UBAP2: variants seen among roughly 807,000 people sequenced by gnomAD.
UBAP2 encodes the protein ubiquitin-associated protein 2.
UBAP2 carries 75 observed loss-of-function variants against 139.6 expected under a neutral mutation model. That is an observed-to-expected ratio of 0.54 (90% CI 0.45 to 0.65). UBAP2 has a LOEUF of 0.65. UBAP2 is among the 30% of genes least tolerant of loss of function. The pLI, the probability that UBAP2 is intolerant of heterozygous loss-of-function variation, is 0.00. For missense variants in UBAP2, 1,368 were observed against 1,369.6 expected, an observed-to-expected ratio of 1.00 and a Z score of 0.02; for synonymous variants, 526 against 526.2, an observed-to-expected ratio of 1.00 and a Z score of 0.01.
At position 33,924,195 on chromosome 9, in the gene UBAP2, A is replaced by C; in HGVS notation, c.2590+11T>G. ...GCCCCGGGCTACTCCTCATCCATTG[A>C]GCAAACTCACCTGGATATGGATTAT... On this transcript the variant is annotated intron_variant, in intron 23 of 28. Coordinates refer to ENST00000379238, the MANE Select transcript of UBAP2 (RefSeq NM_001370062.2). The C allele has an allele frequency of 6.2e-7, 1 of 1,614,034 alleles. No individual in the cohort carries two copies. The highest frequency in any genetic ancestry group is 1.1e-5 in the South Asian group (1 of 91,086).
chr9:33,952,427 G>A (rs561590462), intron 12 of UBAP2, among the ~76,000 whole-genome samples: 2 of 152,148 alleles, frequency 1.3e-5, no homozygotes, highest in African/African-American at 4.8e-5. Context: ...AGTACTAAAT[G>A]ACACTGTTTC....
chr9:34,021,806 G>C (rs2131298130), intron 1 of UBAP2, among the ~76,000 whole-genome samples: 1 of 152,062 alleles, frequency 6.6e-6, no homozygotes, highest in Middle Eastern at 3.4e-3. Flanking sequence ...ACTAATTTTT[G>C]TATTTTTAGT....
intron 2 of UBAP2, among the ~76,000 whole-genome samples, chr9:34,010,624 G>C (rs1237490552): frequency 6.6e-6 from 1 of 152,006 alleles, no homozygotes; most frequent in Non-Finnish European, 1.5e-5. Context: ...TATGGATATT[G>C]ACTGTACAAC....
chr9:34,026,204 A>C (rs1298836068), intron 1 of UBAP2, among the ~76,000 whole-genome samples: 1 of 152,238 alleles, frequency 6.6e-6, no homozygotes, highest in Admixed American at 6.5e-5. Flanking sequence ...TAAAAGTTTG[A>C]ACAGTTAATT....
rs1445620508 is a variant in UBAP2, at chr9:33,923,479, C to CT, written c.2797-2dup. The CT allele has an allele frequency of 1.2e-6, 2 of 1,613,942 alleles. No individual in the cohort carries two copies. The highest frequency in any genetic ancestry group is 1.3e-5 in the African/African-American group (1 of 74,990). On this transcript the variant is annotated splice_acceptor_variant, in intron 24 of 28. Coordinates refer to ENST00000379238, the MANE Select transcript of UBAP2 (RefSeq NM_001370062.2). LOFTEE classifies it high-confidence loss of function. ...GTTGCTTGGCTGAGGCTGGAGGGACCTGGGGGGGCAAGCAGATGAGGTATT... is the reference window on the plus strand; with the variant it reads ...GTTGCTTGGCTGAGGCTGGAGGGACCTTGGGGGGGCAAGCAGATGAGGTATT...
rs149431709 is a variant in UBAP2 at position 33,990,877 on chromosome 9, T to A, written c.289-1751A>T. Among the ~76,000 whole-genome samples the A allele has an allele frequency of 3.2e-3, 483 of 152,170 alleles. 6 individuals are homozygous for A. The highest frequency in any genetic ancestry group is 6.4e-3 in the South Asian group (31 of 4,816). On this transcript the variant is annotated intron_variant, in intron 4 of 28. Coordinates refer to ENST00000379238, the MANE Select transcript of UBAP2 (RefSeq NM_001370062.2). Reference sequence around the variant, plus strand: ...CTCTCGAACTCCTGACCTCAGGTGATCCACCTACCTCGGCCTCCCAAAGTA... The same window carrying A: ...CTCTCGAACTCCTGACCTCAGGTGAACCACCTACCTCGGCCTCCCAAAGTA...
chr9:33,963,268 C>T (rs1827208489), intron 9 of UBAP2, among the ~76,000 whole-genome samples: 1 of 152,146 alleles, frequency 6.6e-6, no homozygotes, highest in Non-Finnish European at 1.5e-5. Flanking sequence ...ACTAGCCATA[C>T]CCACACAGAC....
chr9:33,923,165 G>GA (rs767816528), intron 26 of UBAP2, 21 bp downstream of exon 26: 2 of 1,613,926 alleles, frequency 1.2e-6, no homozygotes, highest in Non-Finnish European at 1.7e-6. Flanking sequence ...CCTTATCCTG[G>GA]AAAGGAGAGG....
chr9:34,027,216 C>A (rs1164360111), intron 1 of UBAP2, among the ~76,000 whole-genome samples: 1 of 152,052 alleles, frequency 6.6e-6, no homozygotes, highest in African/African-American at 2.4e-5. Context: ...TACGGTGGCT[C>A]ACACCTGTAA....
chr9:34,017,944 G>A (rs1045181778), intron 1 of UBAP2, among the ~76,000 whole-genome samples: 10 of 151,454 alleles, frequency 6.6e-5, no homozygotes, highest in Non-Finnish European at 1.3e-4. Context: ...AAAAAAAATT[G>A]TGCATATAAT....
chr9:34,047,878 A>AATAT (rs1308064131), intron 1 of UBAP2, among the ~76,000 whole-genome samples: 1 of 152,254 alleles, frequency 6.6e-6, no homozygotes, highest in Non-Finnish European at 1.5e-5. Context: ...GTAGAAAGAC[A>AATAT]ATAAGCCTAA....
At chr9:33,978,442 T>C (rs908677004) in intron 6 of UBAP2, among the ~76,000 whole-genome samples, 15 of 152,148 alleles carry the variant, frequency 9.9e-5, no homozygotes, top group African/African-American at 3.4e-4. Flanking sequence ...GCACTTGTAC[T>C]ATATAGACCG....
rs1232628553 is a variant in UBAP2, at chr9:33,932,620, G to A, written c.2117C>T (p.Ser706Phe). 6.2e-7 allele frequency: 1 copy of A among 1,613,950 alleles called. No homozygotes were observed. The highest frequency in any genetic ancestry group is 8.5e-7 in the Non-Finnish European group (1 of 1,180,044). Residue 706 changes from serine to phenylalanine, a missense_variant, in exon 19 of 29, where the codon TCC becomes TTC. By Grantham distance (155) the Ser-to-Phe change is radical. Coordinates refer to ENST00000379238, the MANE Select transcript of UBAP2 (RefSeq NM_001370062.2). ...TGCAGAGAGGCTGCTCTGGTGGCTG[G>A]AGAGCGAACTAGAAGACAAAACAGA... ...SPLSQLSSSL[S>F]SHQSSLSAHA... is the part of the protein sequence containing the mutation.
chr9:34,034,056 G>A (rs1259519995), intron 1 of UBAP2, among the ~76,000 whole-genome samples: 7 of 152,002 alleles, frequency 4.6e-5, no homozygotes, highest in Non-Finnish European at 1.0e-4. Flanking sequence ...TCTTAATGAA[G>A]ACCAGATGAC....
At chr9:33,980,520 C>T (rs923885291) in intron 6 of UBAP2, among the ~76,000 whole-genome samples, 1 of 151,706 alleles carries the variant, frequency 6.6e-6, no homozygotes, top group Admixed American at 6.6e-5. Flanking sequence ...GGATTACAGG[C>T]GTGAGCCACC....
At chr9:33,941,549 T>G in intron 16 of UBAP2, 100 bp downstream of exon 16, 4 of 1,061,532 alleles carry the variant, frequency 3.8e-6, no homozygotes, top group Non-Finnish European at 5.6e-6. Context: ...GGTTAGTCAA[T>G]TTGTAAAATA....
At chr9:34,007,096 T>C (rs368989536) in intron 2 of UBAP2, among the ~76,000 whole-genome samples, 7 of 152,198 alleles carry the variant, frequency 4.6e-5, no homozygotes, top group Non-Finnish European at 1.0e-4. Flanking sequence ...TTTTTCTAAA[T>C]ACAACATGTC....
intron 2 of UBAP2, 58 bp from the exon 3 acceptor site, chr9:33,998,922 A>C: frequency 6.9e-7 from 1 of 1,446,100 alleles, no homozygotes; most frequent in South Asian, 1.2e-5. Context: ...GTTAGATTCC[A>C]AAATCTGGGT....
At chr9:33,973,753 A>G (rs1828082736) in intron 6 of UBAP2, among the ~76,000 whole-genome samples, 1 of 152,236 alleles carries the variant, frequency 6.6e-6, no homozygotes, top group South Asian at 2.1e-4. Flanking sequence ...TAAACTGAAG[A>G]GCAAAGGCCT....
Sources: allele counts gnomAD v4.1 joint callset (sites outside exome capture counted in the v4.1 genomes callset), GRCh38; gene constraint gnomAD v4.1.1; transcripts MANE v1.5; gene names NCBI Gene and HGNC (gene_info 2026-07-23, HGNC 2026-07-21).